Variants in GRIN2A observed in about 807,000 individuals in gnomAD.
GRIN2A encodes glutamate ionotropic receptor NMDA type subunit 2A, also known as glutamate receptor ionotropic, NMDA 2A.
GRIN2A carries 22 observed loss-of-function variants against 113.4 expected under a neutral mutation model. The observed-to-expected ratio is 0.19, with a 90% CI of 0.14 to 0.28. The LOEUF (loss-of-function observed/expected upper bound fraction) is 0.28. GRIN2A is among the 10% of genes least tolerant of loss of function. GRIN2A has a pLI of 1.00. For synonymous variants in GRIN2A, 827 were observed against 738.4 expected (o/e 1.12, Z -1.94); for missense variants, 1,502 against 1,887.0 (o/e 0.80, Z 3.78).
chr16:9,804,482 C>A (rs1312239007), intron 10 of GRIN2A, among the ~76,000 whole-genome samples: 1 of 152,028 alleles, frequency 6.6e-6, no homozygotes, highest in Admixed American at 6.6e-5. Context: ...GTGCCACATT[C>A]TCAGTTCCTA....
chr16:9,892,962 A>G lies in GRIN2A; in HGVS notation c.1008-1862T>C, dbSNP rs548832602. On this transcript the variant is annotated intron_variant, in intron 3 of 12. Coordinates refer to ENST00000330684, the MANE Select transcript of GRIN2A (RefSeq NM_001134407.3). ...AAAAAAAAAAAAAAGAAGAAGAAGA[A>G]GAAGAGAACTAGGCTACAAGAAATT... Among the ~76,000 whole-genome samples, 13 of 150,408 alleles carry G rather than the reference A, an allele frequency of 8.6e-5. No homozygotes were observed. The East Asian group carries it at 2.5e-3, about 29-fold the overall frequency.
Position 9,849,833 on chromosome 16 carries a change from G to A in GRIN2A, c.1251C>T (p.Val417=), listed in dbSNP as rs139329447. ...SIVTLEEAPF[V]IVEDIDPLTE... is the part of the protein sequence containing the mutation. ...TCAGGGGGTCTATGTCTTCCACGATGACGAATGGGGCCTCCTCCAGGGTGA... is the reference window on the plus strand; with the variant it reads ...TCAGGGGGTCTATGTCTTCCACGATAACGAATGGGGCCTCCTCCAGGGTGA... Residue 417 remains valine (V), a synonymous_variant, in exon 5 of 13, where the codon GTC becomes GTT. Coordinates refer to ENST00000330684, the MANE Select transcript of GRIN2A (RefSeq NM_001134407.3). The A allele has an allele frequency of 3.2e-4, 512 of 1,614,022 alleles. 1 individual carries two copies. In the African/African-American group the frequency reaches 5.2e-3, roughly 16 times the overall value.
intron 2 of GRIN2A, among the ~76,000 whole-genome samples, chr16:10,152,377 TG>T (rs1490178726): frequency 2.0e-5 from 3 of 152,220 alleles, no homozygotes; most frequent in Non-Finnish European, 2.9e-5. Flanking sequence ...GAGAAGCTCA[TG>T]GAAATGGTTT....
At chr16:10,069,129 C>G (rs2047704843) in intron 2 of GRIN2A, among the ~76,000 whole-genome samples, 1 of 151,936 alleles carries the variant, frequency 6.6e-6, no homozygotes, top group Non-Finnish European at 1.5e-5. Flanking sequence ...TCCAATTTAC[C>G]CTGGCTGCAA....
At chr16:10,111,581 C>A in intron 2 of GRIN2A, 1 of 933,652 alleles carries the variant, frequency 1.1e-6, no homozygotes, top group Non-Finnish European at 1.7e-6. Flanking sequence ...CCACTGATCT[C>A]TTCCCCTATG....
rs182535775 is a variant in GRIN2A, at chr16:9,849,665, T to C, written c.1328+91A>G. Reference sequence around the variant, plus strand: ...ACGACGTGTATTTTCTATGACATTTTGTGATTCAAGTACACATATTGTTAC... The same window carrying C: ...ACGACGTGTATTTTCTATGACATTTCGTGATTCAAGTACACATATTGTTAC... On this transcript the variant is annotated intron_variant, in intron 5 of 12. Transcript: ENST00000330684. 11 of 945,516 alleles carry C rather than the reference T, an allele frequency of 1.2e-5. No homozygotes were observed. In the East Asian group the frequency reaches 2.4e-4, roughly 21 times the overall value. 58.6% of individuals were successfully genotyped at this position (945,516 alleles called of 1,614,324 possible).
intron 2 of GRIN2A, among the ~76,000 whole-genome samples, chr16:9,958,313 C>G (rs2045351685): frequency 6.6e-6 from 1 of 152,142 alleles, no homozygotes; most frequent in Non-Finnish European, 1.5e-5. Flanking sequence ...AAAGCCATGG[C>G]TCCCTCTTGC....
At chr16:9,945,020 A>T (rs1297350578) in intron 2 of GRIN2A, among the ~76,000 whole-genome samples, 1 of 152,156 alleles carries the variant, frequency 6.6e-6, no homozygotes, top group Admixed American at 6.5e-5. Flanking sequence ...AAAGAAGGAC[A>T]TCAATAAATA....
At chr16:9,812,347 G>A (rs762983741) in intron 10 of GRIN2A, among the ~76,000 whole-genome samples, 2 of 152,130 alleles carry the variant, frequency 1.3e-5, no homozygotes, top group Non-Finnish European at 2.9e-5. Flanking sequence ...AGTTAGAAAT[G>A]CCTCACTTAA....
chr16:10,080,387 C>T (rs1375074), intron 2 of GRIN2A, among the ~76,000 whole-genome samples: 4 of 152,124 alleles, frequency 2.6e-5, no homozygotes, highest in African/African-American at 4.8e-5. Flanking sequence ...TTGCAGAAAG[C>T]GAAGGTGGAA....
At chr16:10,030,825 G>A (rs139220292) in intron 2 of GRIN2A, among the ~76,000 whole-genome samples, 1 of 152,140 alleles carries the variant, frequency 6.6e-6, no homozygotes, top group African/African-American at 2.4e-5. Flanking sequence ...ACTATTTAAG[G>A]CTTCAGAGAT....
chr16:10,123,037 T>C (rs1362382827), intron 2 of GRIN2A, among the ~76,000 whole-genome samples: 3 of 152,214 alleles, frequency 2.0e-5, no homozygotes, highest in African/African-American at 7.2e-5. Flanking sequence ...CCAGTGACTA[T>C]GATCAAATAT....
At chr16:9,998,653 C>T (rs965041163) in intron 2 of GRIN2A, among the ~76,000 whole-genome samples, 3 of 152,136 alleles carry the variant, frequency 2.0e-5, no homozygotes, top group Admixed American at 6.5e-5. Context: ...CAAAATCTTA[C>T]TCCCTTTATG....
At chr16:10,001,880 T>C (rs2046326894) in intron 2 of GRIN2A, among the ~76,000 whole-genome samples, 1 of 152,206 alleles carries the variant, frequency 6.6e-6, no homozygotes, top group African/African-American at 2.4e-5. Flanking sequence ...GAGAATATAT[T>C]TAACTTCTCT....
At chr16:10,005,873 T>G (rs3913889) in intron 2 of GRIN2A, among the ~76,000 whole-genome samples, 6 of 152,368 alleles carry the variant, frequency 3.9e-5, no homozygotes, top group Non-Finnish European at 7.3e-5. Context: ...TTATTTCTAA[T>G]GCAACCACAT....
chr16:9,775,225 T>A (rs529929976), intron 11 of GRIN2A, among the ~76,000 whole-genome samples: 3 of 152,190 alleles, frequency 2.0e-5, no homozygotes, highest in Non-Finnish European at 4.4e-5. Flanking sequence ...TCTTGGTTTC[T>A]TGCCAAAGCA....
rs1288179346 is a variant in GRIN2A at position 10,122,761 on chromosome 16, A to G, written c.414+57237T>C. Reference sequence around the variant, plus strand: ...TGGAGAGCCAACCTGAGGGAAATTGACGCACGATCAGCATATTCCTTCCCC... The same window carrying G: ...TGGAGAGCCAACCTGAGGGAAATTGGCGCACGATCAGCATATTCCTTCCCC... On this transcript the variant is annotated intron_variant, in intron 2 of 12. Transcript: ENST00000330684. Among the ~76,000 whole-genome samples, 5 of 152,152 alleles carry G rather than the reference A, an allele frequency of 3.3e-5. No homozygotes were observed. The East Asian group carries it at 9.6e-4, about 29-fold the overall frequency.
chr16:9,809,207 G>C (rs1007172099), intron 10 of GRIN2A, among the ~76,000 whole-genome samples: 1 of 152,166 alleles, frequency 6.6e-6, no homozygotes, highest in African/African-American at 2.4e-5. Context: ...ATTACTGAAG[G>C]TTAGGAGTTT....
chr16:10,019,980 GTTAA>G (rs1411654641), intron 2 of GRIN2A, among the ~76,000 whole-genome samples: 5 of 152,312 alleles, frequency 3.3e-5, no homozygotes, highest in African/African-American at 1.2e-4. Context: ...TGAAAGATGT[GTTAA>G]TTAATTCGAT....
Sources: gnomAD v4.1 joint callset for allele counts (sites outside exome capture counted in the v4.1 genomes callset) on GRCh38, gnomAD v4.1.1 for gene constraint, MANE v1.5 for transcripts, NCBI Gene and HGNC (gene_info 2026-07-23, HGNC 2026-07-21) for gene names.